HEMK2: variants seen among roughly 807,000 people sequenced by gnomAD.
HEMK2 encodes the protein methyltransferase HEMK2.
the HEMK2 span, among the ~76,000 whole-genome samples, chr21:28,802,421 G>A: frequency 2.6e-5 from 4 of 152,272 alleles, no homozygotes; most frequent in African/African-American, 9.6e-5. Context: ...GAGGGAGCTG[G>A]AATGGGGAAC....
At chr21:28,597,397 T>A in the HEMK2 span, among the ~76,000 whole-genome samples, 119 of 152,314 alleles carry the variant, frequency 7.8e-4, no homozygotes, top group Non-Finnish European at 1.4e-3. Context: ...TTGTAGAAAG[T>A]CTTATAAATC....
the HEMK2 span, among the ~76,000 whole-genome samples, chr21:28,591,477 G>C: frequency 3.3e-5 from 5 of 152,136 alleles, no homozygotes; most frequent in African/African-American, 1.2e-4. Flanking sequence ...GATGCATGAC[G>C]TCCTTACATA....
the HEMK2 span, among the ~76,000 whole-genome samples, chr21:28,707,439 A>G: frequency 1.3e-5 from 2 of 151,846 alleles, no homozygotes; most frequent in Non-Finnish European, 2.9e-5. Flanking sequence ...TATTTTTTGT[A>G]TAGACGGGAT....
the HEMK2 span, among the ~76,000 whole-genome samples, chr21:28,838,972 A>AAAAAAAAATATATATATATAT: frequency 1.4e-4 from 4 of 29,160 alleles, no homozygotes; most frequent in Non-Finnish European, 2.2e-4. Flanking sequence ...AAAAAAAAAA[A>AAAAAAAAATATATATATATAT]ATATATATAT....
chr21:28,687,365 A>C, the HEMK2 span, among the ~76,000 whole-genome samples: 1 of 152,246 alleles, frequency 6.6e-6, no homozygotes, highest in Non-Finnish European at 1.5e-5. Flanking sequence ...TCTAGAAAAT[A>C]AATGGATTGA....
At chr21:28,831,734 G>GGAAAGAAAGAAA in the HEMK2 span, among the ~76,000 whole-genome samples, 826 of 13,504 alleles carry the variant, frequency 0.061, 112 homozygotes, top group South Asian at 0.076. Context: ...AAGGAAGGAA[G>GGAAAGAAAGAAA]GAAAGAAAGA....
the HEMK2 span, among the ~76,000 whole-genome samples, chr21:28,857,012 A>G: frequency 6.6e-6 from 1 of 152,214 alleles, no homozygotes; most frequent in Admixed American, 6.5e-5. Context: ...CCACTCCCAC[A>G]GCACCTCACA....
At chr21:28,796,853 A>G in the HEMK2 span, among the ~76,000 whole-genome samples, 11 of 152,332 alleles carry the variant, frequency 7.2e-5, no homozygotes, top group East Asian at 1.3e-3. Flanking sequence ...TACGGACATG[A>G]ACCACTGCAC....
chr21:28,688,932 C>G, the HEMK2 span, among the ~76,000 whole-genome samples: 1 of 152,074 alleles, frequency 6.6e-6, no homozygotes, highest in African/African-American at 2.4e-5. Context: ...CATTAATTGA[C>G]GTATTGTTCA....
At chr21:28,602,687 G>A in the HEMK2 span, among the ~76,000 whole-genome samples, 3 of 152,356 alleles carry the variant, frequency 2.0e-5, no homozygotes, top group East Asian at 5.8e-4. Flanking sequence ...TGAGCCAATA[G>A]AGGGTAAAAG....
At chr21:28,838,972 A>AAATATATATAT in the HEMK2 span, among the ~76,000 whole-genome samples, 1 of 29,160 alleles carries the variant, frequency 3.4e-5, no homozygotes, top group African/African-American at 1.9e-4. Context: ...AAAAAAAAAA[A>AAATATATATAT]ATATATATAT....
chr21:28,642,573 C>T, the HEMK2 span, among the ~76,000 whole-genome samples: 1 of 152,212 alleles, frequency 6.6e-6, no homozygotes, highest in African/African-American at 2.4e-5. Flanking sequence ...GCCCTCTCAA[C>T]ACCAGGGTTC....
At chr21:28,623,353 T>C in the HEMK2 span, among the ~76,000 whole-genome samples, 1 of 152,212 alleles carries the variant, frequency 6.6e-6, no homozygotes, top group Admixed American at 6.5e-5. Flanking sequence ...GGAGAGGATG[T>C]GGAGAAATGG....
At chr21:28,802,756 A>G in the HEMK2 span, among the ~76,000 whole-genome samples, 2 of 152,194 alleles carry the variant, frequency 1.3e-5, no homozygotes, top group Admixed American at 1.3e-4. Flanking sequence ...ATTAAAAAAG[A>G]AATGAAAAAT....
chr21:28,861,826 G>A, the HEMK2 span, among the ~76,000 whole-genome samples: 1 of 152,134 alleles, frequency 6.6e-6, no homozygotes. Flanking sequence ...GGAATCAAGG[G>A]GTGGAAGTGG....
At chr21:28,586,142 T>C in the HEMK2 span, among the ~76,000 whole-genome samples, 1 of 152,248 alleles carries the variant, frequency 6.6e-6, no homozygotes, top group Non-Finnish European at 1.5e-5. Flanking sequence ...ATCTTTGCGA[T>C]GTTTGAATTT....
chr21:28,754,324 CA>C, the HEMK2 span, among the ~76,000 whole-genome samples: 27 of 152,220 alleles, frequency 1.8e-4, no homozygotes, highest in Non-Finnish European at 3.1e-4. Flanking sequence ...AACCAATCAA[CA>C]GGGGGGCTTT....
At chr21:28,846,144 C>T in the HEMK2 span, among the ~76,000 whole-genome samples, 14 of 152,150 alleles carry the variant, frequency 9.2e-5, no homozygotes, top group African/African-American at 3.4e-4. Flanking sequence ...TTTTTATGGC[C>T]GCACAGTATT....
the HEMK2 span, among the ~76,000 whole-genome samples, chr21:28,820,247 G>C: frequency 3.3e-5 from 5 of 152,164 alleles, no homozygotes; most frequent in Admixed American, 3.3e-4. Flanking sequence ...GAGAGGAATT[G>C]TTTTCCTCCC....
Sources: gnomAD v4.1 joint callset for allele counts (sites outside exome capture counted in the v4.1 genomes callset) on GRCh38, gnomAD v4.1.1 for gene constraint, MANE v1.5 for transcripts, NCBI Gene and HGNC (gene_info 2026-07-23, HGNC 2026-07-21) for gene names.